Variants in TRPM6 observed in about 807,000 individuals in gnomAD.
TRPM6 encodes the protein transient receptor potential cation channel subfamily M member 6, also known as channel kinase 2.
TRPM6 carries 111 observed loss-of-function variants against 247.6 expected under a neutral mutation model. That is an observed-to-expected ratio of 0.45 (90% CI 0.38 to 0.52). The LOEUF (loss-of-function observed/expected upper bound fraction) is 0.52, where lower values mean the gene tolerates loss of function less well. TRPM6 is among the 20% of genes least tolerant of loss of function. The probability of loss-of-function intolerance (pLI) is 0.00; values close to 1 mark genes in which losing one functional copy is unlikely to be tolerated. For missense variants in TRPM6, 2,126 were observed against 2,421.5 expected (o/e 0.88, Z 2.56); for synonymous variants, 892 against 853.8 (o/e 1.04, Z -0.78).
At position 74,873,649 on chromosome 9, in the gene TRPM6, A is replaced by G. The variant is rs1182981401; in HGVS notation, c.33+14175T>C. 2.6e-5 allele frequency among the ~76,000 whole-genome samples: 4 copies of G among 152,348 alleles called. No individual in the cohort carries two copies. The South Asian group carries it at 6.2e-4, about 24-fold the overall frequency. ...TCTAAGAGATTTCCAACAATTATCA[A>G]TTAAGAATATCCCCTCCCCTAAATC... On this transcript the variant is annotated intron_variant, in intron 1 of 38. Coordinates refer to ENST00000360774, the MANE Select transcript of TRPM6 (RefSeq NM_017662.5).
intron 25 of TRPM6, among the ~76,000 whole-genome samples, chr9:74,765,204 G>A (rs1826788135): frequency 6.6e-6 from 1 of 152,040 alleles, no homozygotes; most frequent in Non-Finnish European, 1.5e-5. Context: ...TATTTCTAGT[G>A]GTAGAGGCAG....
chr9:74,761,720 C>A lies in TRPM6; in HGVS notation c.4761G>T (p.Lys1587Asn). 1 of 1,612,932 alleles carries A rather than the reference C, an allele frequency of 6.2e-7. No homozygotes were observed. Among genetic ancestry groups the A allele is most frequent in the Non-Finnish European group, 8.5e-7 (1 of 1,178,954 alleles). The change falls in exon 27 of 39, where the codon AAG becomes AAT. Residue 1587 changes from lysine (K) to asparagine (N), a missense_variant. Physicochemically the swap from Lys to Asn is moderately conservative, Grantham distance 94. Around this residue, in one of 3 missense-constraint regions of TRPM6, gnomAD observed 717 missense variants for 715.9 expected, o/e 1.00. Coordinates refer to ENST00000360774, the MANE Select transcript of TRPM6 (RefSeq NM_017662.5). Reference protein sequence around the residue: ...TKDRRLSKKKKNTQGLQVPII... With the variant: ...TKDRRLSKKKNNTQGLQVPII... Reference sequence around the variant, plus strand: ...CTGGCACCTGGAGTCCTTGAGTATTCTTCTTTTTCTTTGACAGTCTCCTGT... The same window carrying A: ...CTGGCACCTGGAGTCCTTGAGTATTATTCTTTTTCTTTGACAGTCTCCTGT...
chr9:74,763,146 G>A lies in TRPM6; in HGVS notation c.3537-12C>T. 6.2e-7 allele frequency: 1 copy of A among 1,605,730 alleles called. No individual in the cohort carries two copies. Among genetic ancestry groups the A allele is most frequent in the Non-Finnish European group, 8.5e-7 (1 of 1,179,814 alleles). On this transcript the variant is annotated splice_polypyrimidine_tract_variant and intron_variant, in intron 25 of 38. Coordinates refer to ENST00000360774, the MANE Select transcript of TRPM6 (RefSeq NM_017662.5). ...ACATCTCTGTAACCCTAGTGGTGAA[G>A]GAAGGGAGAAAACCAACAAGCACAT...
In TRPM6 at chr9:74,771,772, T is replaced by G; in HGVS notation, c.3467A>C (p.Lys1156Thr). The G allele has an allele frequency of 6.2e-7, 1 of 1,613,760 alleles. No homozygotes were observed. The highest frequency in any genetic ancestry group is 8.5e-7 in the Non-Finnish European group (1 of 1,179,682). Reference protein sequence around the residue: ...LHDFEEQCVEKYFHEKMEDVN... With the variant: ...LHDFEEQCVETYFHEKMEDVN... ...ATCTTCCATCTTCTCATGGAAGTAT[T>G]TTTCCACGCACTGCTCCTCAAAATC... Residue 1156 changes from lysine (K) to threonine (T), a missense_variant, in exon 25 of 39, where the codon AAA (lysine) becomes ACA (threonine). Lys to Thr is a moderately conservative substitution (Grantham distance 78, BLOSUM62 -1). Coordinates refer to ENST00000360774, the MANE Select transcript of TRPM6 (RefSeq NM_017662.5).
chr9:74,857,380 C>T (rs1337427480), intron 2 of TRPM6, among the ~76,000 whole-genome samples: 2 of 152,148 alleles, frequency 1.3e-5, no homozygotes, highest in African/African-American at 4.8e-5. Context: ...ACCTTAAAGG[C>T]ATATAAGGAC....
intron 35 of TRPM6, 39 bp downstream of exon 35, chr9:74,739,328 T>C (rs1443278714): frequency 1.3e-6 from 2 of 1,554,644 alleles, no homozygotes; most frequent in Admixed American, 1.7e-5. Context: ...TAGAAATTCC[T>C]ACTTGAAACA....
At chr9:74,875,340 C>G (rs558240542) in intron 1 of TRPM6, 3 of 434,242 alleles carry the variant, frequency 6.9e-6, no homozygotes, top group South Asian at 1.6e-5. Flanking sequence ...GTCAGGAGTT[C>G]GAGACCAGCC....
At chr9:74,808,203 A>C in intron 13 of TRPM6, 29 bp from the exon 14 acceptor site, 1 of 1,613,600 alleles carries the variant, frequency 6.2e-7, no homozygotes, top group Non-Finnish European at 8.5e-7. Context: ...ACGACTTTTA[A>C]CTTTTAGTTA....
At chr9:74,740,871 A>AT (rs1236102301) in intron 33 of TRPM6, among the ~76,000 whole-genome samples, 1 of 152,032 alleles carries the variant, frequency 6.6e-6, no homozygotes, top group African/African-American at 2.4e-5. Context: ...AAAAAAACTT[A>AT]TTTTTTTCTA....
rs2118843504 is a variant in TRPM6 at position 74,762,894 on chromosome 9, T to C, written c.3777A>G (p.Ala1259=). The C allele has an allele frequency of 6.2e-7, 1 of 1,610,378 alleles. No homozygotes were observed. The change falls in exon 26 of 39, where the codon GCA becomes GCG. Residue 1259 remains alanine (A), a synonymous_variant. Transcript: ENST00000360774. The stretch of plus-strand genomic sequence containing the variant: ...CGATCTCCATGCTGCCTAGAACCTC[T>C]GCACAGATGACATTGCTCCAGCTGT... ...LPHSWSNVIC[A]EVLGSMEIAG...
In TRPM6 at chr9:74,763,147, G is replaced by C; in HGVS notation, c.3537-13C>G. ...CATCTCTGTAACCCTAGTGGTGAAG[G>C]AAGGGAGAAAACCAACAAGCACATT... On this transcript the variant is annotated splice_polypyrimidine_tract_variant and intron_variant, in intron 25 of 38. Coordinates refer to ENST00000360774, the MANE Select transcript of TRPM6 (RefSeq NM_017662.5). The C allele has an allele frequency of 6.2e-7, 1 of 1,605,458 alleles. No homozygotes were observed.
rs772494793 is a variant in TRPM6 at position 74,842,222 on chromosome 9, T to C, written c.274A>G (p.Thr92Ala). ...SVEKHTTKSP[T>A]DTFGTINFQD... Reference sequence around the variant, plus strand: ...AAATTAATCGTGCCAAAAGTATCTGTTGGGCTTTTCGTTGTGTGCTTTTCA... The same window carrying C: ...AAATTAATCGTGCCAAAAGTATCTGCTGGGCTTTTCGTTGTGTGCTTTTCA... Residue 92 changes from threonine to alanine, a missense_variant, in exon 4 of 39, where the codon ACA (threonine) becomes GCA (alanine). This residue lies in a region of TRPM6 where 1,082 missense variants were observed against 1,307.9 expected (regional missense o/e 0.83). Transcript: ENST00000360774. 4 of 1,614,036 alleles carry C rather than the reference T, an allele frequency of 2.5e-6. No homozygotes were observed. Among genetic ancestry groups the C allele is most frequent in the Non-Finnish European group, 2.5e-6 (3 of 1,180,042 alleles).
chr9:74,831,959 A>C (rs1180797384), intron 6 of TRPM6, among the ~76,000 whole-genome samples: 11 of 152,212 alleles, frequency 7.2e-5, no homozygotes, highest in Non-Finnish European at 1.6e-4. Flanking sequence ...AACAAAGGAC[A>C]TTATAATTAA....
chr9:74,860,741 A>T (rs1830669446), intron 1 of TRPM6, among the ~76,000 whole-genome samples: 1 of 152,168 alleles, frequency 6.6e-6, no homozygotes, highest in Non-Finnish European at 1.5e-5. Context: ...AATCCGGCTG[A>T]GCGCAGTGGC....
intron 29 of TRPM6, among the ~76,000 whole-genome samples, chr9:74,750,949 C>T (rs1358401373): frequency 6.6e-6 from 1 of 152,108 alleles, no homozygotes; most frequent in African/African-American, 2.4e-5. Context: ...AATGAAATTA[C>T]CTTTAAGGAG....
chr9:74,870,613 T>C (rs1020780957), intron 1 of TRPM6, among the ~76,000 whole-genome samples: 3 of 152,298 alleles, frequency 2.0e-5, no homozygotes. Context: ...AACATTCCTT[T>C]AGCTGCACTT....
intron 28 of TRPM6, 125 bp downstream of exon 28, chr9:74,755,228 T>C: frequency 9.4e-7 from 1 of 1,065,062 alleles, no homozygotes; most frequent in Non-Finnish European, 1.4e-6. Context: ...TTACAGAGTG[T>C]AGCCATCTTC....
chr9:74,885,970 C>T (rs1351517678), intron 1 of TRPM6, among the ~76,000 whole-genome samples: 6 of 152,170 alleles, frequency 3.9e-5, no homozygotes, highest in Non-Finnish European at 8.8e-5. Context: ...AGCCATATTT[C>T]AGGCACAGTA....
chr9:74,878,333 C>G (rs535848381), intron 1 of TRPM6, among the ~76,000 whole-genome samples: 1 of 152,318 alleles, frequency 6.6e-6, no homozygotes, highest in African/African-American at 2.4e-5. Context: ...TCACCTGGCC[C>G]TACTAACACC....
Sources: gnomAD v4.1 joint callset for allele counts (sites outside exome capture counted in the v4.1 genomes callset) on GRCh38, gnomAD v4.1.1 for gene constraint, gnomAD v4.1.1 regional missense constraint, MANE v1.5 for transcripts, NCBI Gene and HGNC (gene_info 2026-07-23, HGNC 2026-07-21) for gene names.